Variants in CASZ1 observed in about 807,000 individuals in gnomAD.
CASZ1 encodes the protein zinc finger protein castor homolog 1.
A neutral mutation model predicts 135.2 loss-of-function variants in CASZ1; 28 were observed. The observed-to-expected ratio is 0.21, with a 90% CI of 0.15 to 0.28. The LOEUF (loss-of-function observed/expected upper bound fraction) is 0.28. Among genes scored for constraint, CASZ1 ranks in the 10% least tolerant of loss-of-function variants. CASZ1 has a pLI of 1.00. For missense variants in CASZ1, 2,161 were observed against 2,453.3 expected (o/e 0.88, Z 2.52); for synonymous variants, 1,068 against 1,073.4 (o/e 0.99, Z 0.10).
At chr1:10,656,840 G>A in intron 7 of CASZ1, 104 bp from the exon 8 acceptor site, 1 of 721,810 alleles carries the variant, frequency 1.4e-6, no homozygotes, top group Non-Finnish European at 2.4e-6. Context: ...TGTATGGGAT[G>A]CAGAGGGGAG....
At chr1:10,791,277 A>G (rs1467717727) in intron 1 of CASZ1, among the ~76,000 whole-genome samples, 1 of 152,234 alleles carries the variant, frequency 6.6e-6, no homozygotes, top group African/African-American at 2.4e-5. Context: ...AGCACTTGAG[A>G]CAAAGGTCGG....
chr1:10,736,207 A>G (rs1386385875), intron 2 of CASZ1, among the ~76,000 whole-genome samples: 1 of 152,138 alleles, frequency 6.6e-6, no homozygotes, highest in Admixed American at 6.5e-5. Context: ...GCTTCACCAG[A>G]ATGCCCAACT....
rs1054814776 is a variant in CASZ1, at chr1:10,776,335, G to C, written c.-233-15478C>G. The stretch of plus-strand genomic sequence containing the variant: ...GTGGCTTCAAAATCATTCCTCCCAG[G>C]CTCTGCCCTTCCCAAGCCCCCACAG... On this transcript the variant is annotated intron_variant, in intron 1 of 20. Coordinates refer to ENST00000377022, the MANE Select transcript of CASZ1 (RefSeq NM_001079843.3). The surrounding 1 kb of genome is among the most constrained non-coding windows in gnomAD (Gnocchi z 4.1). 8.5e-5 allele frequency among the ~76,000 whole-genome samples: 13 copies of C among 152,178 alleles called. No individual in the cohort carries two copies. Among genetic ancestry groups the C allele is most frequent in the Non-Finnish European group, 1.6e-4 (11 of 68,018 alleles).
At chr1:10,642,740 G>C in intron 20 of CASZ1, 119 bp downstream of exon 20, 1 of 1,161,710 alleles carries the variant, frequency 8.6e-7, no homozygotes, top group Non-Finnish European at 1.2e-6. Flanking sequence ...TCTGCTGCAC[G>C]CCAGCCTGTC....
At chr1:10,680,657 C>G (rs1053409533) in intron 4 of CASZ1, among the ~76,000 whole-genome samples, 1 of 152,112 alleles carries the variant, frequency 6.6e-6, no homozygotes, top group South Asian at 2.1e-4. Flanking sequence ...CTGAGGTCAG[C>G]GGGTGGAGAA....
rs750174961 is a variant in CASZ1 at position 10,773,893 on chromosome 1, C to G, written c.-233-13036G>C. 2.1e-3 allele frequency among the ~76,000 whole-genome samples: 317 copies of G among 152,364 alleles called. 3 individuals carry two copies. The highest frequency in any genetic ancestry group is 2.7e-3 in the Non-Finnish European group (182 of 68,034). ...AAGAGGCCGCAGGGTGGGAGCAGCCCTGTCGCTGCTCAGAGGGGCCTCACC... is the reference window on the plus strand; with the variant it reads ...AAGAGGCCGCAGGGTGGGAGCAGCCGTGTCGCTGCTCAGAGGGGCCTCACC... On this transcript the variant is annotated intron_variant, in intron 1 of 20. Coordinates refer to ENST00000377022, the MANE Select transcript of CASZ1 (RefSeq NM_001079843.3).
At chr1:10,736,399 A>G (rs1639798982) in intron 2 of CASZ1, among the ~76,000 whole-genome samples, 1 of 152,180 alleles carries the variant, frequency 6.6e-6, no homozygotes, top group Admixed American at 6.5e-5. Context: ...GAGAACCCCG[A>G]ACCCGGGGAG....
rs764787315 is a variant in CASZ1, at chr1:10,753,553, G to C, written c.-77+7148C>G. Among the ~76,000 whole-genome samples the C allele has an allele frequency of 2.0e-5, 3 of 152,204 alleles. No homozygotes were observed. In the South Asian group the frequency reaches 6.2e-4, roughly 32 times the overall value. On this transcript the variant is annotated intron_variant, in intron 2 of 20. Transcript: ENST00000377022. ...TGTCAGATTATTAATTAGCTAAAGC[G>C]GATCGGTCCTGGAACAACATGCGCT...
intron 2 of CASZ1, among the ~76,000 whole-genome samples, chr1:10,740,969 A>AG (rs199602220): frequency 0.027 from 3,515 of 132,258 alleles, 179 homozygotes; most frequent in African/African-American, 0.089. Context: ...ACAAAAAAAA[A>AG]AAAAAAAAGA....
Position 10,701,221 on chromosome 1 carries a change from C to T in CASZ1, c.-24+4271G>A, listed in dbSNP as rs926208531. On this transcript the variant is annotated intron_variant, in intron 3 of 20. Coordinates refer to ENST00000377022, the MANE Select transcript of CASZ1 (RefSeq NM_001079843.3). The surrounding 1 kb of genome is among the most constrained non-coding windows in gnomAD (Gnocchi z 6.3). ...GCAGGGAAGCGGGTACGTGGCCCTC[C>T]TCCTGCCTCCTGCCCGGGTCCCTGG... Among the ~76,000 whole-genome samples the T allele has an allele frequency of 7.2e-5, 11 of 152,320 alleles. No homozygotes were observed. The highest frequency in any genetic ancestry group is 1.2e-4 in the Non-Finnish European group (8 of 68,022).
intron 4 of CASZ1, among the ~76,000 whole-genome samples, chr1:10,667,581 C>T (rs1643274360): frequency 6.6e-6 from 1 of 152,192 alleles, no homozygotes; most frequent in South Asian, 2.1e-4. Flanking sequence ...GCCGGGTGTC[C>T]TCCAACAGGC....
chr1:10,736,663 G>A (rs1047462805), intron 2 of CASZ1, among the ~76,000 whole-genome samples: 5 of 152,190 alleles, frequency 3.3e-5, no homozygotes, highest in Admixed American at 6.5e-5. Flanking sequence ...CATCACCTAC[G>A]AGGCCCCTCT....
intron 1 of CASZ1, among the ~76,000 whole-genome samples, chr1:10,763,462 C>A (rs1012925662): frequency 6.6e-6 from 1 of 152,140 alleles, no homozygotes; most frequent in African/African-American, 2.4e-5. Flanking sequence ...GGAGGATGGA[C>A]AAGAGGCGTG....
In CASZ1 at chr1:10,706,854, G is replaced by T. The variant is rs529329035; in HGVS notation, c.-76-1310C>A. Among the ~76,000 whole-genome samples the T allele has an allele frequency of 1.8e-3, 269 of 152,094 alleles. 1 individual carries two copies. The highest frequency in any genetic ancestry group is 4.6e-4 in the Non-Finnish European group (31 of 67,934). On this transcript the variant is annotated intron_variant, in intron 2 of 20. Coordinates refer to ENST00000377022, the MANE Select transcript of CASZ1 (RefSeq NM_001079843.3). The surrounding 1 kb of genome is among the most constrained non-coding windows in gnomAD (Gnocchi z 4.3). Reference sequence around the variant, plus strand: ...TCATCCAGATGATGAGAGGCGGGGGGGTCTGCAGAGAGCTGGGCGGACCCC... The same window carrying T: ...TCATCCAGATGATGAGAGGCGGGGGTGTCTGCAGAGAGCTGGGCGGACCCC...
intron 4 of CASZ1, among the ~76,000 whole-genome samples, chr1:10,686,444 CT>C (rs1193908979): frequency 6.6e-6 from 1 of 152,222 alleles, no homozygotes; most frequent in Admixed American, 6.5e-5. Context: ...CACCTTTCTC[CT>C]TCCTGTTTTA....
chr1:10,705,062 G>A (rs1427072812), intron 3 of CASZ1, among the ~76,000 whole-genome samples: 1 of 152,220 alleles, frequency 6.6e-6, no homozygotes, highest in Non-Finnish European at 1.5e-5. Flanking sequence ...CTGGGGTTCT[G>A]GGGCCTTCGA....
chr1:10,649,723 C>T (rs1642497852), intron 13 of CASZ1: 1 of 382,860 alleles, frequency 2.6e-6, no homozygotes, highest in Non-Finnish European at 4.7e-6. Flanking sequence ...ACTCAGGGTG[C>T]ACGCTGCAGC....
At chr1:10,665,059 T>G (rs780749766) in intron 5 of CASZ1, 24 bp downstream of exon 5, 22 of 1,496,582 alleles carry the variant, frequency 1.5e-5, no homozygotes, top group Non-Finnish European at 1.8e-5. Context: ...GCCTTCAGCC[T>G]CCCTTCGAAG....
chr1:10,650,650 T>G (rs1393900865), intron 13 of CASZ1, 42 bp downstream of exon 13: 1 of 1,534,518 alleles, frequency 6.5e-7, no homozygotes, highest in Non-Finnish European at 9.0e-7. Context: ...CTTTAATTTC[T>G]CTGGGTGGGG....
Sources: gnomAD v4.1 joint callset for allele counts (sites outside exome capture counted in the v4.1 genomes callset) on GRCh38, gnomAD v4.1.1 for gene constraint, Gnocchi (gnomAD v3.1) non-coding constraint, MANE v1.5 for transcripts, NCBI Gene and HGNC (gene_info 2026-07-23, HGNC 2026-07-21) for gene names.